The following CFAP299 variants were observed in gnomAD, a reference collection of about 807,000 sequenced individuals.
The protein encoded by CFAP299 is cilia- and flagella-associated protein 299.
Under a neutral mutation model 27.0 loss-of-function variants are expected in CFAP299, and 21 were observed. The ratio of observed to expected loss-of-function variants is 0.78; its 90% CI spans 0.55 to 1.12. CFAP299 has a LOEUF of 1.12. CFAP299 is among the 50% of genes most tolerant of loss of function. The probability of loss-of-function intolerance (pLI) is 0.00; values close to 1 mark genes in which losing one functional copy is unlikely to be tolerated. For missense variants in CFAP299, 310 were observed against 276.6 expected, an observed-to-expected ratio of 1.12 and a Z score of -0.86; for synonymous variants, 104 against 98.1, an observed-to-expected ratio of 1.06 and a Z score of -0.36.
chr4:80,613,080 A>T (rs1738082797), intron 3 of CFAP299, among the ~76,000 whole-genome samples: 1 of 152,144 alleles, frequency 6.6e-6, no homozygotes, highest in African/African-American at 2.4e-5. Flanking sequence ...CTTATTTCAC[A>T]AATAAGTAAG....
At chr4:80,330,075 G>A in the CFAP299 span, among the ~76,000 whole-genome samples, 90 of 152,212 alleles carry the variant, frequency 5.9e-4, no homozygotes, top group Middle Eastern at 3.4e-3. Flanking sequence ...GCAGGTAAAA[G>A]TTTGATCTAA....
chr4:80,800,383 A>AT lies in CFAP299; in HGVS notation c.334-69609dup, dbSNP rs1199746426. ...TATATTAATATAATATATATAATAT[A>AT]TAATATATTAATATAATATATATTG... On this transcript the variant is annotated intron_variant, in intron 3 of 5. Coordinates refer to ENST00000358105, the MANE Select transcript of CFAP299 (RefSeq NM_152770.3). 7.8e-5 allele frequency among the ~76,000 whole-genome samples: 5 copies of AT among 64,346 alleles called. 1 individual carries two copies. The highest frequency in any genetic ancestry group is 1.2e-4 in the Non-Finnish European group (5 of 41,250). The allele number at this position is 64,346 out of a possible 152,430, so 42.2% of individuals were successfully genotyped here. A position where few individuals can be genotyped will look rare whatever the true frequency, so the allele number is the denominator to read the frequency against.
chr4:80,684,159 A>G (rs1720022176), intron 3 of CFAP299, among the ~76,000 whole-genome samples: 1 of 152,106 alleles, frequency 6.6e-6, no homozygotes, highest in South Asian at 2.1e-4. Context: ...ACAATAATTA[A>G]TTGGGATGTA....
intron 4 of CFAP299, chr4:80,871,448 A>G (rs1733092015): frequency 6.1e-6 from 6 of 985,452 alleles, no homozygotes; most frequent in Non-Finnish European, 7.2e-6. Context: ...TGCTGTGCTA[A>G]TAACTTATGG....
At position 80,859,268 on chromosome 4, in the gene CFAP299, T is replaced by C. The variant is rs1430719145; in HGVS notation, c.334-10725T>C. The stretch of plus-strand genomic sequence containing the variant: ...TTTTGTTTTCCATTTGCTTGGTAGA[T>C]CTTCCTCCATCCTTTTATTTTGAGC... On this transcript the variant is annotated intron_variant, in intron 3 of 5. Coordinates refer to ENST00000358105, the MANE Select transcript of CFAP299 (RefSeq NM_152770.3). Among the ~76,000 whole-genome samples, 6 of 152,170 alleles carry C rather than the reference T, an allele frequency of 3.9e-5. No homozygotes were observed. The East Asian group carries it at 7.7e-4, about 20-fold the overall frequency.
rs376890773 is a variant in CFAP299 at position 80,730,589 on chromosome 4, C to A, written c.334-139404C>A. On this transcript the variant is annotated intron_variant, in intron 3 of 5. Transcript: ENST00000358105. ...ACTTCAGTGAGCTGTGAAGTGGATT[C>A]TTCACTCCCAGTCAAGCCTTAAGAT... Among the ~76,000 whole-genome samples, 171 of 152,048 alleles carry A rather than the reference C, an allele frequency of 1.1e-3. 2 individuals are homozygous for A. The highest frequency in any genetic ancestry group is 3.8e-3 in the African/African-American group (158 of 41,492).
intron 3 of CFAP299, among the ~76,000 whole-genome samples, chr4:80,667,132 A>G (rs1741179885): frequency 6.6e-6 from 1 of 152,144 alleles, no homozygotes; most frequent in African/African-American, 2.4e-5. Context: ...TTGTTCAGCC[A>G]TTCTTTATCC....
chr4:80,891,789 T>TAAAAAAAAAAAAA (rs1355453928), intron 4 of CFAP299, among the ~76,000 whole-genome samples: 1 of 35,080 alleles, frequency 2.9e-5, no homozygotes, highest in African/African-American at 1.0e-4. Flanking sequence ...AAAAAAAAAA[T>TAAAAAAAAAAAAA]AAAAAAAAAA....
intron 3 of CFAP299, among the ~76,000 whole-genome samples, chr4:80,847,353 T>C (rs1005274449): frequency 8.5e-5 from 13 of 152,174 alleles, no homozygotes; most frequent in African/African-American, 2.7e-4. Flanking sequence ...CTTGACACAA[T>C]CTCTCTGCAA....
At chr4:80,543,915 G>GA (rs142627807) in intron 2 of CFAP299, among the ~76,000 whole-genome samples, 18,686 of 151,748 alleles carry the variant, frequency 0.12, 1,579 homozygotes, top group African/African-American at 0.23. Context: ...CAGTGGAAAA[G>GA]AAAAAAAATC....
intron 3 of CFAP299, among the ~76,000 whole-genome samples, chr4:80,619,678 A>G (rs921698852): frequency 1.3e-5 from 2 of 152,124 alleles, no homozygotes; most frequent in Non-Finnish European, 2.9e-5. Context: ...CTAGGTATTT[A>G]CTAAGCAGTT....
intron 3 of CFAP299, among the ~76,000 whole-genome samples, chr4:80,797,927 A>G (rs1288247631): frequency 6.6e-6 from 1 of 152,122 alleles, no homozygotes; most frequent in Non-Finnish European, 1.5e-5. Context: ...CCAAGCAAGT[A>G]AACTATTAGA....
intron 3 of CFAP299, among the ~76,000 whole-genome samples, chr4:80,731,996 A>T (rs146478441): frequency 6.6e-6 from 1 of 152,012 alleles, no homozygotes; most frequent in Non-Finnish European, 1.5e-5. Context: ...TTTTGTCCTT[A>T]TTGTAGACTA....
chr4:80,487,384 A>T (rs186493494), intron 2 of CFAP299, among the ~76,000 whole-genome samples: 150 of 152,298 alleles, frequency 9.8e-4, no homozygotes, highest in Non-Finnish European at 6.6e-4. Flanking sequence ...ATCAGTTTTG[A>T]CTATTAGACA....
In CFAP299 at chr4:80,337,398, AT is replaced by A. The variant is rs1330672953; in HGVS notation, c.111+1536del. The stretch of plus-strand genomic sequence containing the variant: ...AATAATTTGTGTTTCATCAATCAGA[AT>A]TTTTTTTTTTTTTTTTGAGATAGAG... On this transcript the variant is annotated intron_variant, in intron 1 of 5. Coordinates refer to ENST00000358105, the MANE Select transcript of CFAP299 (RefSeq NM_152770.3). Among the ~76,000 whole-genome samples the A allele has an allele frequency of 8.7e-3, 1,243 of 142,550 alleles. 9 individuals carry two copies. Among genetic ancestry groups the A allele is most frequent in the South Asian group, 0.03 (134 of 4,464 alleles). 93.5% of individuals were successfully genotyped at this position (142,550 alleles called of 152,430 possible). A position where few individuals can be genotyped will look rare whatever the true frequency, so the allele number is the denominator to read the frequency against.
chr4:80,749,269 TA>T (rs1724793722), intron 3 of CFAP299, among the ~76,000 whole-genome samples: 1 of 152,206 alleles, frequency 6.6e-6, no homozygotes, highest in Non-Finnish European at 1.5e-5. Context: ...ATCTTCATTA[TA>T]CCACCTAATA....
chr4:80,514,894 A>C (rs1215456605), intron 2 of CFAP299, among the ~76,000 whole-genome samples: 2 of 152,086 alleles, frequency 1.3e-5, no homozygotes, highest in Non-Finnish European at 2.9e-5. Flanking sequence ...ATAAAAGACT[A>C]ATCTGTCTTA....
rs377466796 is a variant in CFAP299, at chr4:80,469,302, T to A, written c.242+106418T>A. 5.3e-5 allele frequency among the ~76,000 whole-genome samples: 8 copies of A among 152,354 alleles called. No individual in the cohort carries two copies. The East Asian group carries it at 5.8e-4, about 11-fold the overall frequency. ...TCTGGGCTTTGGCCATGGAGTTGAC[T>A]GCCAGTGTGCTGCAATGTATTTATC... On this transcript the variant is annotated intron_variant, in intron 2 of 5. Transcript: ENST00000358105.
At chr4:80,758,347 A>G (rs568285642) in intron 3 of CFAP299, among the ~76,000 whole-genome samples, 1 of 152,228 alleles carries the variant, frequency 6.6e-6, no homozygotes, top group Admixed American at 6.5e-5. Flanking sequence ...TGTCCCTCTG[A>G]AGTCAAGCTG....
Sources: gnomAD v4.1 joint callset for allele counts (sites outside exome capture counted in the v4.1 genomes callset) on GRCh38, gnomAD v4.1.1 for gene constraint, MANE v1.5 for transcripts, NCBI Gene and HGNC (gene_info 2026-07-23, HGNC 2026-07-21) for gene names.